The following ZNF571 variants were observed in gnomAD, a reference collection of about 807,000 sequenced individuals.
ZNF571 encodes the protein zinc finger protein 571.
A neutral mutation model predicts 7.7 loss-of-function variants in ZNF571; 4 were observed. The observed-to-expected ratio is 0.52, with a 90% CI of 0.25 to 1.18. The LOEUF is 1.18. ZNF571 is among the 50% of genes most tolerant of loss of function. The pLI is 0.14. For synonymous variants in ZNF571, 251 were observed against 232.4 expected, an observed-to-expected ratio of 1.08 and a Z score of -0.73; for missense variants, 704 against 726.9, an observed-to-expected ratio of 0.97 and a Z score of 0.36.
chr19:37,565,866 T>C lies in ZNF571; in HGVS notation c.562A>G (p.Ile188Val). Residue 188 changes from isoleucine to valine, a missense_variant, in exon 4 of 4, where the codon ATT becomes GTT. By Grantham distance (29) the Ile-to-Val change is conservative (BLOSUM62 3). Transcript: ENST00000451802. ...TCATAAGGTTTCTCACCAGTCTGAA[T>C]TCTCTGATGTTGAATATAGCTTGGC... Reference protein sequence around the residue: ...KKPSYIQHQRIQTGEKPYECM... With the variant: ...KKPSYIQHQRVQTGEKPYECM... 6.2e-7 allele frequency: 1 copy of C among 1,613,932 alleles called. No individual in the cohort carries two copies. The highest frequency in any genetic ancestry group is 1.1e-5 in the South Asian group (1 of 91,072).
intron 3 of ZNF571, among the ~76,000 whole-genome samples, chr19:37,576,711 T>C (rs2147179243): frequency 6.6e-6 from 1 of 152,286 alleles, no homozygotes; most frequent in South Asian, 2.1e-4. Context: ...AAATAAACTA[T>C]GAAAGTGATT....
chr19:37,566,433 T>C (rs901436612), intron 3 of ZNF571, 142 bp from the exon 4 acceptor site: 2 of 927,998 alleles, frequency 2.2e-6, no homozygotes, highest in Non-Finnish European at 3.1e-6. Context: ...GCCATTTTTC[T>C]TTAAAGGCAC....
chr19:37,584,760 A>C (rs1326851767), intron 2 of ZNF571, among the ~76,000 whole-genome samples: 1 of 152,074 alleles, frequency 6.6e-6, no homozygotes, highest in Non-Finnish European at 1.5e-5. Context: ...CAGGAGATCG[A>C]GACCATCCTG....
chr19:37,576,975 C>T (rs1206289026), intron 3 of ZNF571, among the ~76,000 whole-genome samples: 5 of 151,970 alleles, frequency 3.3e-5, no homozygotes, highest in South Asian at 2.1e-4. Flanking sequence ...GCCTATACAC[C>T]GCCATCTTCT....
chr19:37,565,979 T>C lies in ZNF571; in HGVS notation c.449A>G (p.Tyr150Cys), dbSNP rs1233717987. The change falls in exon 4 of 4, where the codon TAC becomes TGC. Residue 150 changes from tyrosine to cysteine, a missense_variant. Tyr to Cys is a radical substitution (Grantham distance 194, BLOSUM62 -2). Coordinates refer to ENST00000451802, the MANE Select transcript of ZNF571 (RefSeq NM_016536.5). ...KCKECRQGFS[Y>C]LSCLIQHEEN... ...CTCATGTTGAATAAGGCATGACAGG[T>C]AGCTGAAACCTTGTCTGCATTCCTT... 2 of 1,613,790 alleles carry C rather than the reference T, an allele frequency of 1.2e-6. No homozygotes were observed. The highest frequency in any genetic ancestry group is 1.7e-6 in the Non-Finnish European group (2 of 1,179,698).
At chr19:37,574,182 ATATGCCT>A (rs2043165347) in intron 3 of ZNF571, among the ~76,000 whole-genome samples, 1 of 152,232 alleles carries the variant, frequency 6.6e-6, no homozygotes, top group Non-Finnish European at 1.5e-5. Context: ...CACTTAATAG[ATATGCCT>A]TTCCTTAAAG....
intron 3 of ZNF571, among the ~76,000 whole-genome samples, chr19:37,582,013 G>T (rs936128622): frequency 1.3e-5 from 2 of 152,008 alleles, no homozygotes; most frequent in South Asian, 4.1e-4. Flanking sequence ...AAATAATACT[G>T]CATATATAAA....
In ZNF571 at chr19:37,566,064, G is replaced by A. The variant is rs1202195021; in HGVS notation, c.364C>T (p.His122Tyr). The A allele has an allele frequency of 6.2e-7, 1 of 1,614,078 alleles. No homozygotes were observed. The highest frequency in any genetic ancestry group is 1.1e-5 in the South Asian group (1 of 91,070). Residue 122 changes from histidine (H) to tyrosine (Y), a missense_variant, in exon 4 of 4, where the codon CAT becomes TAT. Physicochemically the swap from His to Tyr is moderately conservative, Grantham distance 83. Coordinates refer to ENST00000451802, the MANE Select transcript of ZNF571 (RefSeq NM_016536.5). ...ITCEEKATES[H>Y]STSSTFHRII... ...CGATGAAAAGTAGAAGAGGTTGAATGACTTTCAGTGGCCTTTTCTTCACAG... is the reference window on the plus strand; with the variant it reads ...CGATGAAAAGTAGAAGAGGTTGAATAACTTTCAGTGGCCTTTTCTTCACAG...
At chr19:37,574,477 T>C (rs1180310115) in intron 3 of ZNF571, among the ~76,000 whole-genome samples, 1 of 152,230 alleles carries the variant, frequency 6.6e-6, no homozygotes, top group Admixed American at 6.5e-5. Context: ...CAAATGACTA[T>C]GCCACTCTAC....
intron 3 of ZNF571, among the ~76,000 whole-genome samples, chr19:37,575,003 C>T (rs2043194626): frequency 6.6e-6 from 1 of 152,158 alleles, no homozygotes; most frequent in Non-Finnish European, 1.5e-5. Context: ...TCAAAAATCA[C>T]CTCCACTTCA....
At chr19:37,573,568 T>C (rs551881479) in intron 3 of ZNF571, among the ~76,000 whole-genome samples, 1 of 151,840 alleles carries the variant, frequency 6.6e-6, no homozygotes, top group East Asian at 1.9e-4. Context: ...GGTTCACAAC[T>C]GTAATGCTAG....
At chr19:37,578,359 A>G (rs1030969131) in intron 3 of ZNF571, among the ~76,000 whole-genome samples, 1 of 152,122 alleles carries the variant, frequency 6.6e-6, no homozygotes, top group Non-Finnish European at 1.5e-5. Flanking sequence ...TGAAACGGTG[A>G]GAGAGTGAGA....
rs370472937 is a variant in ZNF571, at chr19:37,565,006, A to G, written c.1422T>C (p.Tyr474=). ...AGGTCTTCCCACATTCCTTACATTC[A>G]TAATGTTTCTCACCATGAATTTTCT... ...QHEKIHGEKH[Y]ECKECGKTFV... Residue 474 remains tyrosine, a synonymous_variant, in exon 4 of 4, where the codon TAT becomes TAC. Transcript: ENST00000451802. The G allele has an allele frequency of 6.0e-5, 97 of 1,613,678 alleles. No individual in the cohort carries two copies. In the Middle Eastern group the frequency reaches 1.5e-3, roughly 25 times the overall value.
intron 3 of ZNF571, among the ~76,000 whole-genome samples, chr19:37,575,297 C>T (rs2043205601): frequency 6.6e-6 from 1 of 152,186 alleles, no homozygotes; most frequent in African/African-American, 2.4e-5. Context: ...TGTAATCATA[C>T]ATTAAGATCC....
intron 1 of ZNF571, chr19:37,594,319 G>A (rs1398720958): frequency 6.6e-6 from 1 of 152,362 alleles, no homozygotes; most frequent in Non-Finnish European, 1.5e-5. Flanking sequence ...GGGGCCAAGC[G>A]CTAGGAGCAT....
chr19:37,577,728 C>A (rs1365263946), intron 3 of ZNF571, among the ~76,000 whole-genome samples: 1 of 152,152 alleles, frequency 6.6e-6, no homozygotes, highest in Non-Finnish European at 1.5e-5. Context: ...TAAATTTACT[C>A]AAATTTTAAT....
At chr19:37,588,128 A>T (rs1192277251) in intron 1 of ZNF571, among the ~76,000 whole-genome samples, 2 of 130,638 alleles carry the variant, frequency 1.5e-5, no homozygotes, top group African/African-American at 6.0e-5. Context: ...AAAAAAAAAA[A>T]TCCCATGGGT....
At chr19:37,580,058 C>T (rs972053822) in intron 3 of ZNF571, among the ~76,000 whole-genome samples, 4 of 152,108 alleles carry the variant, frequency 2.6e-5, no homozygotes, top group African/African-American at 7.2e-5. Context: ...ATTTACAGCA[C>T]GGATAGACAT....
At chr19:37,584,132 A>G (rs2043576045) in intron 2 of ZNF571, 35 bp from the exon 3 acceptor site, 2 of 1,613,014 alleles carry the variant, frequency 1.2e-6, no homozygotes, top group Admixed American at 3.3e-5. Flanking sequence ...ATGATTCTAC[A>G]GGAATGATTC....
Sources: allele counts gnomAD v4.1 joint callset (sites outside exome capture counted in the v4.1 genomes callset), GRCh38; gene constraint gnomAD v4.1.1; transcripts MANE v1.5; gene names NCBI Gene and HGNC (gene_info 2026-07-23, HGNC 2026-07-21).